The following KDM2B variants were observed in gnomAD, a reference collection of about 807,000 sequenced individuals.
KDM2B encodes the protein lysine-specific demethylase 2B.
KDM2B carries 26 observed loss-of-function variants against 150.0 expected under a neutral mutation model. The ratio of observed to expected loss-of-function variants is 0.17; its 90% CI spans 0.13 to 0.24. The LOEUF (loss-of-function observed/expected upper bound fraction) is 0.24, where lower values mean the gene tolerates loss of function less well. KDM2B is among the 10% of genes least tolerant of loss of function. KDM2B has a pLI of 1.00. For synonymous variants in KDM2B, 734 were observed against 729.5 expected (o/e 1.01, Z -0.10); for missense variants, 1,265 against 1,816.9 (o/e 0.70, Z 5.52).
chr12:121,457,636 C>G (rs1360115320), intron 12 of KDM2B, among the ~76,000 whole-genome samples: 4 of 151,936 alleles, frequency 2.6e-5, no homozygotes, highest in Non-Finnish European at 5.9e-5. Context: ...CCCAGACATT[C>G]ATTTACGAAC....
intron 13 of KDM2B, among the ~76,000 whole-genome samples, chr12:121,449,294 C>T (rs1008008994): frequency 1.3e-4 from 19 of 151,934 alleles, no homozygotes; most frequent in Non-Finnish European, 7.4e-5. Context: ...GCCCCAGCGA[C>T]GGAGCAAAGG....
intron 4 of KDM2B, among the ~76,000 whole-genome samples, chr12:121,554,380 A>G (rs1555312335): frequency 4.6e-5 from 7 of 152,062 alleles, no homozygotes. Context: ...CCTTGTATAT[A>G]TCATGATACT....
intron 4 of KDM2B, among the ~76,000 whole-genome samples, chr12:121,566,723 G>A (rs1555315004): frequency 6.6e-6 from 1 of 152,092 alleles, no homozygotes; most frequent in African/African-American, 2.4e-5. Context: ...TTGAATCCAG[G>A]AGGCAGAGGT....
At chr12:121,571,796 G>A (rs557653341) in intron 4 of KDM2B, among the ~76,000 whole-genome samples, 15 of 150,610 alleles carry the variant, frequency 1.0e-4, no homozygotes, top group Admixed American at 8.0e-4. Context: ...GATTACAGCC[G>A]CCCGCCACTA....
chr12:121,528,571 AAAATAAT>A (rs1555307256), intron 8 of KDM2B, among the ~76,000 whole-genome samples: 2 of 125,284 alleles, frequency 1.6e-5, no homozygotes, highest in Non-Finnish European at 3.6e-5. Flanking sequence ...AAAAAATGAA[AAAATAAT>A]AAATAAATAA....
intron 12 of KDM2B, among the ~76,000 whole-genome samples, chr12:121,471,809 C>G (rs922389258): frequency 1.2e-4 from 19 of 152,058 alleles, no homozygotes; most frequent in African/African-American, 3.6e-4. Flanking sequence ...GGGCTGGTAC[C>G]CTCCTGGACC....
intron 6 of KDM2B, among the ~76,000 whole-genome samples, chr12:121,538,520 A>C (rs1555309144): frequency 6.6e-6 from 1 of 152,070 alleles, no homozygotes; most frequent in East Asian, 1.9e-4. Context: ...CTGCATTCTA[A>C]GATGTTCTTT....
intron 2 of KDM2B, among the ~76,000 whole-genome samples, chr12:121,577,695 G>A (rs140373355): frequency 0.01 from 1,582 of 152,298 alleles, 15 homozygotes; most frequent in Non-Finnish European, 0.015. Flanking sequence ...AAGGGGCGTG[G>A]GGGGAACAAA....
intron 12 of KDM2B, among the ~76,000 whole-genome samples, chr12:121,465,249 CAG>C (rs1252395377): frequency 6.6e-6 from 1 of 151,920 alleles, no homozygotes; most frequent in Non-Finnish European, 1.5e-5. Context: ...TTTTTTGAGA[CAG>C]AGTCTCACTC....
Position 121,533,049 on chromosome 12 carries a change from G to A in KDM2B, c.778-90C>T, listed in dbSNP as rs1887795152. On this transcript the variant is annotated intron_variant, in intron 7 of 22. Transcript: ENST00000377071. This position sits in a 1 kb window ranked among gnomAD's most constrained non-coding sequence, Gnocchi z 4.1. Reference sequence around the variant, plus strand: ...CCACCTGCCTGGCGGAAGGGGAGGGGGCGAGACAAGCTGTGTGTGGGGTGG... The same window carrying A: ...CCACCTGCCTGGCGGAAGGGGAGGGAGCGAGACAAGCTGTGTGTGGGGTGG... The A allele has an allele frequency of 3.0e-6, 4 of 1,348,136 alleles. No homozygotes were observed. The East Asian group carries it at 9.3e-5, about 31-fold the overall frequency. The allele number at this position is 1,348,136 out of a possible 1,614,324, so 83.5% of individuals were successfully genotyped here.
rs1312704660 is a variant in KDM2B, at chr12:121,518,422, G to T, written c.1047+2563C>A. 4.6e-5 allele frequency among the ~76,000 whole-genome samples: 7 copies of T among 152,200 alleles called. No individual in the cohort carries two copies. The highest frequency in any genetic ancestry group is 1.5e-5 in the Non-Finnish European group (1 of 68,038). On this transcript the variant is annotated intron_variant, in intron 9 of 22. Coordinates refer to ENST00000377071, the MANE Select transcript of KDM2B (RefSeq NM_032590.5). The surrounding 1 kb of genome is among the most constrained non-coding windows in gnomAD (Gnocchi z 4.4). ...AAGGCAGATTAAACAACCTGCCGCT[G>T]CTCCCAGCCCAGTCTGCCCCCAAGC...
At position 121,549,766 on chromosome 12, in the gene KDM2B, T is replaced by C. The variant is rs1191525311; in HGVS notation, c.398-128A>G. 1 of 786,216 alleles carries C rather than the reference T, an allele frequency of 1.3e-6. No homozygotes were observed. Among genetic ancestry groups the C allele is most frequent in the East Asian group, 2.9e-5 (1 of 34,770 alleles). The allele number at this position is 786,216 out of a possible 1,614,324, so 48.7% of individuals were successfully genotyped here. A position where few individuals can be genotyped will look rare whatever the true frequency, so the allele number is the denominator to read the frequency against. On this transcript the variant is annotated intron_variant, in intron 4 of 22. Coordinates refer to ENST00000377071, the MANE Select transcript of KDM2B (RefSeq NM_032590.5). This position sits in a 1 kb window ranked among gnomAD's most constrained non-coding sequence, Gnocchi z 4.4. ...ACAGTCCTCACCCCTCTTCCTCATC[T>C]GTTCAATTACCTCACCCCATCGGCT...
intron 12 of KDM2B, among the ~76,000 whole-genome samples, chr12:121,472,181 C>A (rs113762870): frequency 6.6e-6 from 1 of 152,152 alleles, no homozygotes; most frequent in African/African-American, 2.4e-5. Flanking sequence ...AAGTAATATG[C>A]CTAACAAGCA....
At chr12:121,476,649 T>C (rs1881419127) in intron 12 of KDM2B, among the ~76,000 whole-genome samples, 2 of 152,166 alleles carry the variant, frequency 1.3e-5, no homozygotes, top group Non-Finnish European at 1.5e-5. Flanking sequence ...AATGAGCTGC[T>C]AACAGTCACT....
chr12:121,542,238 C>T (rs1216969144), intron 6 of KDM2B, among the ~76,000 whole-genome samples: 4 of 152,238 alleles, frequency 2.6e-5, no homozygotes, highest in Non-Finnish European at 5.9e-5. Flanking sequence ...CTCCTGCCAA[C>T]AGCCACGGGG....
chr12:121,520,896 G>T lies in KDM2B; in HGVS notation c.1047+89C>A. The T allele has an allele frequency of 1.1e-6, 1 of 929,036 alleles. No homozygotes were observed. 57.5% of individuals were successfully genotyped at this position (929,036 alleles called of 1,614,324 possible). A position where few individuals can be genotyped will look rare whatever the true frequency, so the allele number is the denominator to read the frequency against. Reference sequence around the variant, plus strand: ...TCGGGAGGGAGAGGGGAACTGTGGAGGACTTCAGTATGACCTGTCCCACAC... The same window carrying T: ...TCGGGAGGGAGAGGGGAACTGTGGATGACTTCAGTATGACCTGTCCCACAC... On this transcript the variant is annotated intron_variant, in intron 9 of 22. Transcript: ENST00000377071. The surrounding 1 kb of genome is among the most constrained non-coding windows in gnomAD (Gnocchi z 4.5).
At position 121,444,134 on chromosome 12, in the gene KDM2B, T is replaced by C. The variant is rs781800740; in HGVS notation, c.2329A>G (p.Arg777Gly). The change falls in exon 16 of 23, where the codon AGG becomes GGG. Residue 777 changes from arginine (R) to glycine (G), a missense_variant. By Grantham distance (125) the Arg-to-Gly change is moderately radical (BLOSUM62 -2). Transcript: ENST00000377071. ...ACCTTCTTCGAGTGCTCATCCGACC[T>C]GCGCCGGGGCGCCTCCTCACACTCA... is the stretch of plus-strand genomic sequence containing the variant. ...RSECEEAPRR[R>G]SDEHSKKVPP... The C allele has an allele frequency of 1.5e-5, 25 of 1,612,964 alleles. No individual in the cohort carries two copies. The highest frequency in any genetic ancestry group is 1.9e-5 in the Non-Finnish European group (22 of 1,180,044).
the KDM2B span, among the ~76,000 whole-genome samples, chr12:121,419,158 T>C: frequency 1.3e-5 from 2 of 152,254 alleles, no homozygotes; most frequent in Non-Finnish European, 2.9e-5. Flanking sequence ...CATATTTTTA[T>C]TGTACCTTTT....
intron 11 of KDM2B, among the ~76,000 whole-genome samples, chr12:121,508,036 AAAAGACTTTCCAAAAGCATGG>A (rs1885249887): frequency 6.6e-6 from 1 of 152,146 alleles, no homozygotes. Flanking sequence ...AATAAAGTAA[AAAAGACTTTCCAAAAGCATGG>A]AAAGACATTT....
Sources: allele counts gnomAD v4.1 joint callset (sites outside exome capture counted in the v4.1 genomes callset), GRCh38; gene constraint gnomAD v4.1.1; non-coding constraint Gnocchi (gnomAD v3.1); transcripts MANE v1.5; gene names NCBI Gene and HGNC (gene_info 2026-07-23, HGNC 2026-07-21).